The following CDKN2B-AS1 variants were observed in gnomAD, a reference collection of about 807,000 sequenced individuals.
CDKN2B-AS1 encodes CDKN2B and CDKN2A antisense cis and trans regulatory RNA 1, also known as CDKN2B antisense RNA 1 (non-protein coding).
rs1820752896 is a variant in CDKN2B-AS1 at position 21,997,767 on chromosome 9, T to G, written n.29+2606T>G. ...ATGTTAATCATATCTAAAAAATACCTCCACAGCAATATTTAGACTGGTGTT... is the reference window on the plus strand; with the variant it reads ...ATGTTAATCATATCTAAAAAATACCGCCACAGCAATATTTAGACTGGTGTT... On this transcript the variant is annotated intron_variant and non_coding_transcript_variant, in intron 1 of 4. Coordinates refer to ENST00000650946, the Ensembl canonical transcript of CDKN2B-AS1. This position sits in a 1 kb window ranked among gnomAD's most constrained non-coding sequence, Gnocchi z 4.8. 6.6e-6 allele frequency among the ~76,000 whole-genome samples: 1 copy of G among 152,096 alleles called. No homozygotes were observed. Among genetic ancestry groups the G allele is most frequent in the Non-Finnish European group, 1.5e-5 (1 of 68,026 alleles).
intron 1 of CDKN2B-AS1, among the ~76,000 whole-genome samples, chr9:22,007,081 C>A (rs1479999106): frequency 6.6e-6 from 1 of 152,120 alleles, no homozygotes; most frequent in African/African-American, 2.4e-5. Flanking sequence ...GAGCTTGGGC[C>A]AGGCCCAGTG....
At chr9:22,124,622 T>C (rs918362996) in intron 4 of CDKN2B-AS1, among the ~76,000 whole-genome samples, 3 of 152,246 alleles carry the variant, frequency 2.0e-5, no homozygotes, top group Non-Finnish European at 4.4e-5. Context: ...CTCTATTTTT[T>C]AAAAAACTAA....
rs1259636808 is a variant in CDKN2B-AS1 at position 22,001,458 on chromosome 9, A to G, written n.29+6297A>G. 6.6e-6 allele frequency among the ~76,000 whole-genome samples: 1 copy of G among 152,084 alleles called. No individual in the cohort carries two copies. Among genetic ancestry groups the G allele is most frequent in the Non-Finnish European group, 1.5e-5 (1 of 67,964 alleles). ...ATTGTTCTTAGTTCTTTTTCCAGCA[A>G]ACTCTTTTGTTTTACATTTAGTTCA... On this transcript the variant is annotated intron_variant and non_coding_transcript_variant, in intron 1 of 4. Coordinates refer to ENST00000650946, the Ensembl canonical transcript of CDKN2B-AS1. The surrounding 1 kb of genome is among the most constrained non-coding windows in gnomAD (Gnocchi z 4.2).
exon 5 of CDKN2B-AS1, among the ~76,000 whole-genome samples, chr9:22,127,880 A>T (rs1889086): frequency 8.6e-5 from 13 of 151,800 alleles, no homozygotes; most frequent in Non-Finnish European, 1.5e-4. Flanking sequence ...TTCTCAATGT[A>T]AGAAAAGTAG....
At chr9:22,109,687 A>G (rs1825753751) in intron 4 of CDKN2B-AS1, among the ~76,000 whole-genome samples, 1 of 152,182 alleles carries the variant, frequency 6.6e-6, no homozygotes. Flanking sequence ...GTCATCTGCC[A>G]TTTAGTATTA....
At chr9:22,014,852 A>G (rs1821671442) in intron 1 of CDKN2B-AS1, among the ~76,000 whole-genome samples, 1 of 147,666 alleles carries the variant, frequency 6.8e-6, no homozygotes, top group East Asian at 2.0e-4. Flanking sequence ...GAGTGAGAAC[A>G]TGGCGGTGTT....
chr9:22,052,452 G>T (rs1197311298), intron 3 of CDKN2B-AS1, among the ~76,000 whole-genome samples: 1 of 152,158 alleles, frequency 6.6e-6, no homozygotes, highest in Non-Finnish European at 1.5e-5. Context: ...CAAGAAGAAG[G>T]AATTTAGCTT....
chr9:22,032,228 G>A (rs1045321503), intron 1 of CDKN2B-AS1, among the ~76,000 whole-genome samples: 1 of 152,158 alleles, frequency 6.6e-6, no homozygotes, highest in African/African-American at 2.4e-5. Flanking sequence ...TTCAGTGGAG[G>A]TAGAATCATG....
intron 3 of CDKN2B-AS1, among the ~76,000 whole-genome samples, chr9:22,051,061 C>T (rs1823325262): frequency 6.6e-6 from 1 of 152,142 alleles, no homozygotes; most frequent in South Asian, 2.1e-4. Flanking sequence ...TTTTCATGAA[C>T]CTCACATGGA....
rs1202411527 is a variant in CDKN2B-AS1, at chr9:22,039,370, C to G, written n.30-7381C>G. 1.3e-5 allele frequency among the ~76,000 whole-genome samples: 2 copies of G among 152,090 alleles called. No homozygotes were observed. The highest frequency in any genetic ancestry group is 2.1e-4 in the South Asian group (1 of 4,824). On this transcript the variant is annotated intron_variant and non_coding_transcript_variant, in intron 1 of 4. Transcript: ENST00000650946. This position sits in a 1 kb window ranked among gnomAD's most constrained non-coding sequence, Gnocchi z 4.4. ...AACCAGTATAATTTTTCTTTTCGCT[C>G]TTGTCCTTCACCTTCCTGTGGCAAC...
chr9:22,082,989 G>A (rs1359434194), intron 4 of CDKN2B-AS1, among the ~76,000 whole-genome samples: 1 of 152,194 alleles, frequency 6.6e-6, no homozygotes, highest in Admixed American at 6.5e-5. Context: ...TTCTGTCACA[G>A]AAAAGAAGGC....
chr9:21,999,037 G>T lies in CDKN2B-AS1; in HGVS notation n.29+3876G>T, dbSNP rs1253686112. Among the ~76,000 whole-genome samples the T allele has an allele frequency of 2.0e-5, 3 of 152,090 alleles. No individual in the cohort carries two copies. Among genetic ancestry groups the T allele is most frequent in the East Asian group, 3.9e-4 (2 of 5,184 alleles). Reference sequence around the variant, plus strand: ...ATGTGCAAATAGTAAAAAATAAAAAGATAATCTTACTCATTAATAAATGTA... The same window carrying T: ...ATGTGCAAATAGTAAAAAATAAAAATATAATCTTACTCATTAATAAATGTA... On this transcript the variant is annotated intron_variant and non_coding_transcript_variant, in intron 1 of 4. Transcript: ENST00000650946. This position sits in a 1 kb window ranked among gnomAD's most constrained non-coding sequence, Gnocchi z 4.7.
chr9:22,126,344 G>A (rs1056337272), intron 4 of CDKN2B-AS1, among the ~76,000 whole-genome samples: 1 of 152,082 alleles, frequency 6.6e-6, no homozygotes, highest in African/African-American at 2.4e-5. Context: ...TCTATCATAG[G>A]TGAGAAAATA....
intron 4 of CDKN2B-AS1, chr9:22,120,603 A>G (rs1467236107): frequency 5.3e-5 from 8 of 152,174 alleles, no homozygotes. Flanking sequence ...CTCTCTACTA[A>G]TGGTTTTTTT....
chr9:22,091,258 C>T (rs1008737244), intron 4 of CDKN2B-AS1, among the ~76,000 whole-genome samples: 11 of 152,066 alleles, frequency 7.2e-5, no homozygotes, highest in East Asian at 1.9e-4. Context: ...AGTCAGGTAG[C>T]GTGATGCCTC....
In CDKN2B-AS1 at chr9:21,999,281, T is replaced by C. The variant is rs1820822354; in HGVS notation, n.29+4120T>C. On this transcript the variant is annotated intron_variant and non_coding_transcript_variant, in intron 1 of 4. Coordinates refer to ENST00000650946, the Ensembl canonical transcript of CDKN2B-AS1. The surrounding 1 kb of genome is among the most constrained non-coding windows in gnomAD (Gnocchi z 4.7). ...TGTAAAGACACACACAAATAATGTA[T>C]GGAAATATATATACACATATATACT... 2.0e-5 allele frequency among the ~76,000 whole-genome samples: 3 copies of C among 151,674 alleles called. No homozygotes were observed. The highest frequency in any genetic ancestry group is 4.4e-5 in the Non-Finnish European group (3 of 67,880).
chr9:22,008,689 G>T, intron 1 of CDKN2B-AS1: 1 of 1,610,204 alleles, frequency 6.2e-7, no homozygotes, highest in South Asian at 1.1e-5. Flanking sequence ...GGCCAACGGA[G>T]ACTCCTGTAC....
At chr9:22,050,301 G>C (rs900134899) in intron 3 of CDKN2B-AS1, among the ~76,000 whole-genome samples, 1 of 152,188 alleles carries the variant, frequency 6.6e-6, no homozygotes, top group African/African-American at 2.4e-5. Context: ...AAGCAGCCTG[G>C]CTTGGCCAGA....
intron 4 of CDKN2B-AS1, among the ~76,000 whole-genome samples, chr9:22,083,305 TG>T (rs766831657): frequency 2.2e-4 from 33 of 152,302 alleles, no homozygotes; most frequent in Admixed American, 4.6e-4. Flanking sequence ...CTGGAAGCAC[TG>T]GGAAGGATGA....
Sources: gnomAD v4.1 joint callset for allele counts (sites outside exome capture counted in the v4.1 genomes callset) on GRCh38, gnomAD v4.1.1 for gene constraint, Gnocchi (gnomAD v3.1) non-coding constraint, MANE v1.5 for transcripts, NCBI Gene and HGNC (gene_info 2026-07-23, HGNC 2026-07-21) for gene names.